The following FBXO34 variants were observed in gnomAD, a reference collection of about 807,000 sequenced individuals.
FBXO34 encodes the protein F-box protein 34, also known as F-box only protein 34.
FBXO34 carries 12 observed loss-of-function variants against 24.5 expected under a neutral mutation model. The observed-to-expected ratio is 0.49, with a 90% CI of 0.31 to 0.79. The LOEUF is 0.79. Among genes scored for constraint, FBXO34 ranks in the 30% least tolerant of loss-of-function variants. The pLI is 0.04. For missense variants in FBXO34, 823 were observed against 857.7 expected (o/e 0.96, Z 0.51); for synonymous variants, 320 against 311.9 (o/e 1.03, Z -0.27).
At chr14:55,429,270 G>A in the FBXO34 span, among the ~76,000 whole-genome samples, 2 of 152,316 alleles carry the variant, frequency 1.3e-5, no homozygotes, top group African/African-American at 4.8e-5. Flanking sequence ...ACGATTCCAA[G>A]GATTCGCAAA....
intron 1 of FBXO34, among the ~76,000 whole-genome samples, chr14:55,313,268 G>T (rs902729250): frequency 1.3e-5 from 2 of 152,098 alleles, no homozygotes; most frequent in African/African-American, 4.8e-5. Context: ...CTTTATTCCA[G>T]TTCTCAATAA....
chr14:55,433,060 G>C, the FBXO34 span, among the ~76,000 whole-genome samples: 1 of 152,128 alleles, frequency 6.6e-6, no homozygotes, highest in Non-Finnish European at 1.5e-5. Context: ...TTAGAAACAA[G>C]TTGTAGCAGC....
the FBXO34 span, among the ~76,000 whole-genome samples, chr14:55,429,377 G>C: frequency 6.6e-6 from 1 of 152,184 alleles, no homozygotes; most frequent in African/African-American, 2.4e-5. Context: ...GGGTGGGGCC[G>C]AGCAATCTGT....
At chr14:55,286,658 A>G (rs975525452) in intron 1 of FBXO34, among the ~76,000 whole-genome samples, 1 of 152,200 alleles carries the variant, frequency 6.6e-6, no homozygotes, top group African/African-American at 2.4e-5. Context: ...GCCCCTAACG[A>G]AATTTCCACA....
downstream of FBXO34, among the ~76,000 whole-genome samples, chr14:55,357,943 T>G (rs1283254106): frequency 2.0e-5 from 3 of 152,228 alleles, no homozygotes; most frequent in African/African-American, 7.2e-5. Flanking sequence ...CTCTCCACTG[T>G]GAGGCTGGAT....
intron 1 of FBXO34, among the ~76,000 whole-genome samples, chr14:55,290,616 G>A (rs1033651945): frequency 2.6e-5 from 4 of 152,036 alleles, no homozygotes; most frequent in Non-Finnish European, 4.4e-5. Flanking sequence ...GAGCAGCAGG[G>A]TGCATGAAAG....
chr14:55,315,509 G>T (rs1882897485), intron 1 of FBXO34, among the ~76,000 whole-genome samples: 1 of 152,172 alleles, frequency 6.6e-6, no homozygotes, highest in South Asian at 2.1e-4. Flanking sequence ...CATCTTGGCA[G>T]AACAGGTTCT....
the FBXO34 span, among the ~76,000 whole-genome samples, chr14:55,380,964 G>A: frequency 1.3e-5 from 2 of 149,576 alleles, no homozygotes; most frequent in African/African-American, 4.9e-5. Context: ...TCTGACCTGT[G>A]TGAACCTGAT....
the FBXO34 span, chr14:55,436,709 A>T: frequency 6.2e-7 from 1 of 1,614,058 alleles, no homozygotes; most frequent in Non-Finnish European, 8.5e-7. Flanking sequence ...TGTGAATGGG[A>T]ATTTGACAAA....
the FBXO34 span, among the ~76,000 whole-genome samples, chr14:55,417,480 G>T: frequency 1.0e-5 from 1 of 99,586 alleles, no homozygotes; most frequent in Non-Finnish European, 2.0e-5. Flanking sequence ...AAAAAAAAAA[G>T]TCTCGCTCGG....
chr14:55,399,353 GT>G, the FBXO34 span, among the ~76,000 whole-genome samples: 4 of 152,176 alleles, frequency 2.6e-5, no homozygotes, highest in Non-Finnish European at 5.9e-5. Context: ...TTACCGGATG[GT>G]GTACATACAG....
downstream of FBXO34, among the ~76,000 whole-genome samples, chr14:55,364,448 A>G (rs1014591635): frequency 1.3e-5 from 2 of 151,744 alleles, no homozygotes; most frequent in Non-Finnish European, 2.9e-5. Context: ...TGTTGTTTTG[A>G]GATGGAGTCT....
At chr14:55,417,096 T>G in the FBXO34 span, among the ~76,000 whole-genome samples, 2 of 152,180 alleles carry the variant, frequency 1.3e-5, no homozygotes, top group African/African-American at 2.4e-5. Context: ...CATTATATCA[T>G]AGAGAAACGA....
chr14:55,424,974 C>CA, the FBXO34 span, among the ~76,000 whole-genome samples: 1 of 152,182 alleles, frequency 6.6e-6, no homozygotes, highest in African/African-American at 2.4e-5. Flanking sequence ...AAACTATTCT[C>CA]AAAGCAGTGG....
At chr14:55,379,149 C>T in the FBXO34 span, among the ~76,000 whole-genome samples, 4 of 152,152 alleles carry the variant, frequency 2.6e-5, no homozygotes, top group Non-Finnish European at 5.9e-5. Flanking sequence ...CACCAATGTA[C>T]CCTCCAGTGT....
chr14:55,377,376 C>T, the FBXO34 span, among the ~76,000 whole-genome samples: 3,741 of 151,840 alleles, frequency 0.025, 57 homozygotes, highest in Non-Finnish European at 0.034. Flanking sequence ...TGAATTGTTA[C>T]GACGGACAAG....
chr14:55,434,472 C>G, the FBXO34 span, among the ~76,000 whole-genome samples: 4 of 152,262 alleles, frequency 2.6e-5, no homozygotes, highest in East Asian at 7.7e-4. Context: ...TGGGTGCTAG[C>G]TTAAGGGCCA....
At chr14:55,425,996 G>A in the FBXO34 span, among the ~76,000 whole-genome samples, 12 of 152,134 alleles carry the variant, frequency 7.9e-5, no homozygotes, top group Non-Finnish European at 1.6e-4. Flanking sequence ...GGCCGGGTGC[G>A]GTGGCTCACA....
downstream of FBXO34, among the ~76,000 whole-genome samples, chr14:55,374,067 C>T (rs9323283): frequency 0.11 from 16,579 of 152,258 alleles, 1,245 homozygotes; most frequent in Non-Finnish European, 0.16. Context: ...ACTTCAGACC[C>T]GCTACAAAAA....
Sources: allele counts gnomAD v4.1 joint callset (sites outside exome capture counted in the v4.1 genomes callset), GRCh38; gene constraint gnomAD v4.1.1; transcripts MANE v1.5; gene names NCBI Gene and HGNC (gene_info 2026-07-23, HGNC 2026-07-21).